The following NAV3 variants were observed in gnomAD, a reference collection of about 807,000 sequenced individuals.
NAV3 encodes neuron navigator 3.
Under a neutral mutation model 244.7 loss-of-function variants are expected in NAV3, and 87 were observed. That is an observed-to-expected ratio of 0.36 (90% CI 0.30 to 0.42). The LOEUF is 0.42. Among genes scored for constraint, NAV3 ranks in the 20% least tolerant of loss-of-function variants. The pLI is 1.00. For missense variants in NAV3, 2,663 were observed against 2,893.3 expected (o/e 0.92, Z 1.83); for synonymous variants, 1,126 against 1,042.2 (o/e 1.08, Z -1.55).
chr12:77,864,218 C>T (rs545367333), intron 1 of NAV3, among the ~76,000 whole-genome samples: 2 of 151,928 alleles, frequency 1.3e-5, no homozygotes. Flanking sequence ...TCAGTCTTTT[C>T]CTGCATTCTG....
At chr12:77,662,263 A>ATCTG (rs770544048) in intron 2 of NAV3, among the ~76,000 whole-genome samples, 2 of 151,034 alleles carry the variant, frequency 1.3e-5, no homozygotes, top group Admixed American at 6.6e-5. Flanking sequence ...CTATCTATCT[A>ATCTG]TATCTCACCT....
At position 78,212,924 on chromosome 12, in the gene NAV3, C is replaced by A. The variant is rs560543678; in HGVS notation, c.*2407C>A. 1.3e-5 allele frequency: 2 copies of A among 152,648 alleles called. No individual in the cohort carries two copies. Among genetic ancestry groups the A allele is most frequent in the African/African-American group, 4.8e-5 (2 of 41,556 alleles). The allele number at this position is 152,648 out of a possible 1,614,324, so 9.5% of individuals were successfully genotyped here. A position where few individuals can be genotyped will look rare whatever the true frequency, so the allele number is the denominator to read the frequency against. On this transcript the variant is annotated 3_prime_UTR_variant, in exon 40 of 40. Transcript: ENST00000397909. ...TTTATTGTTCCTCTAGCTTGTAAACCAGCTTGCATATATTTTTTTGCAAAT... is the reference window on the plus strand; with the variant it reads ...TTTATTGTTCCTCTAGCTTGTAAACAAGCTTGCATATATTTTTTTGCAAAT...
chr12:77,725,961 T>A (rs1225357915), intron 2 of NAV3, among the ~76,000 whole-genome samples: 2 of 152,004 alleles, frequency 1.3e-5, no homozygotes, highest in African/African-American at 2.4e-5. Context: ...TCACTCTGAA[T>A]CTGACCCTTC....
intron 13 of NAV3, 75 bp downstream of exon 13, chr12:78,116,979 G>A (rs1955414699): frequency 2.0e-6 from 3 of 1,510,268 alleles, no homozygotes; most frequent in South Asian, 2.5e-5. Flanking sequence ...TTAGATTAAG[G>A]TATAGCACAA....
At chr12:77,822,828 T>TA (rs1340540881) in intron 2 of NAV3, among the ~76,000 whole-genome samples, 2 of 152,140 alleles carry the variant, frequency 1.3e-5, no homozygotes, top group Non-Finnish European at 2.9e-5. Flanking sequence ...AGGATAATTT[T>TA]AAAAAATGAA....
intron 2 of NAV3, among the ~76,000 whole-genome samples, chr12:77,758,738 T>C (rs530502799): frequency 6.6e-6 from 1 of 152,212 alleles, no homozygotes; most frequent in Non-Finnish European, 1.5e-5. Context: ...CTTAGGCAAA[T>C]GAGCTAGAGA....
intron 37 of NAV3, among the ~76,000 whole-genome samples, chr12:78,200,205 A>G (rs1959502249): frequency 6.6e-6 from 1 of 152,034 alleles, no homozygotes; most frequent in Non-Finnish European, 1.5e-5. Context: ...TTGCTTGTAA[A>G]ATGAAACAGG....
intron 9 of NAV3, among the ~76,000 whole-genome samples, chr12:78,028,712 A>G (rs2136927169): frequency 6.6e-6 from 1 of 152,350 alleles, no homozygotes; most frequent in African/African-American, 2.4e-5. Flanking sequence ...TTGGTTTTGC[A>G]AACATTTTGC....
intron 2 of NAV3, among the ~76,000 whole-genome samples, chr12:77,711,113 A>G (rs1876091341): frequency 6.6e-6 from 1 of 152,236 alleles, no homozygotes; most frequent in Non-Finnish European, 1.5e-5. Context: ...CAATTGAATC[A>G]ACTCAGTACA....
intron 2 of NAV3, among the ~76,000 whole-genome samples, chr12:77,823,123 C>G (rs1872815448): frequency 6.6e-6 from 1 of 152,120 alleles, no homozygotes; most frequent in African/African-American, 2.4e-5. Context: ...GAGGCAATAT[C>G]CAGACCACAG....
chr12:77,765,978 C>G (rs141179045), intron 2 of NAV3, among the ~76,000 whole-genome samples: 1 of 151,952 alleles, frequency 6.6e-6, no homozygotes. Context: ...AATTTCAGAC[C>G]AAGATCTGTG....
chr12:77,691,751 C>T (rs945170355), intron 2 of NAV3, among the ~76,000 whole-genome samples: 2 of 151,700 alleles, frequency 1.3e-5, no homozygotes, highest in African/African-American at 4.8e-5. Flanking sequence ...TTGATTTCCT[C>T]ATATCATAAT....
intron 8 of NAV3, among the ~76,000 whole-genome samples, chr12:78,016,193 A>T (rs1397872041): frequency 2.0e-5 from 3 of 151,832 alleles, no homozygotes; most frequent in Non-Finnish European, 4.4e-5. Flanking sequence ...AGAAACCAAG[A>T]TCTCATTGCT....
chr12:77,751,217 T>A (rs1254288403), intron 2 of NAV3, among the ~76,000 whole-genome samples: 1 of 152,220 alleles, frequency 6.6e-6, no homozygotes, highest in East Asian at 1.9e-4. Context: ...TAATGGGTTA[T>A]ACTCTTATGA....
intron 3 of NAV3, chr12:77,947,396 T>C (rs1890455694): frequency 6.7e-6 from 1 of 148,402 alleles, no homozygotes; most frequent in South Asian, 2.1e-4. Flanking sequence ...TTGTAATCAC[T>C]CTTCTTTTAA....
At chr12:78,200,247 T>C (rs189902783) in intron 37 of NAV3, among the ~76,000 whole-genome samples, 18 of 152,248 alleles carry the variant, frequency 1.2e-4, no homozygotes, top group African/African-American at 4.3e-4. Flanking sequence ...TCATTTCTCC[T>C]GACTCTAGTA....
At chr12:78,089,311 G>A (rs1392816009) in intron 12 of NAV3, among the ~76,000 whole-genome samples, 1 of 152,046 alleles carries the variant, frequency 6.6e-6, no homozygotes, top group Non-Finnish European at 1.5e-5. Context: ...AAACCATAAA[G>A]TAATGTTAGA....
chr12:78,027,269 C>T (rs1878213448), intron 9 of NAV3, among the ~76,000 whole-genome samples: 1 of 149,830 alleles, frequency 6.7e-6, no homozygotes, highest in African/African-American at 2.5e-5. Context: ...GACCCTGTCT[C>T]TAAAAAAAAA....
In NAV3 at chr12:77,766,735, G is replaced by GTTTGTTTTTTTTTTTTTTTTTTTTT. The variant is rs1555202961; in HGVS notation, c.73-173581_73-173580insGTTTTTTTTTTTTTTTTTTTTTTTT. ...AGGATTCTAAAAAACAGGCAATTAA[G>GTTTGTTTTTTTTTTTTTTTTTTTTT]TTTTTTTTTTTTTTTTTTTTTTTTT... On this transcript the variant is annotated intron_variant, in intron 2 of 8. Transcript: ENST00000550042. 5.9e-4 allele frequency among the ~76,000 whole-genome samples: 36 copies of GTTTGTTTTTTTTTTTTTTTTTTTTT among 60,514 alleles called. 12 individuals are homozygous for GTTTGTTTTTTTTTTTTTTTTTTTTT. The highest frequency in any genetic ancestry group is 0.018 in the Middle Eastern group (2 of 110). The allele number at this position is 60,514 out of a possible 152,430, so 39.7% of individuals were successfully genotyped here. A position where few individuals can be genotyped will look rare whatever the true frequency, so the allele number is the denominator to read the frequency against.
Sources: allele counts gnomAD v4.1 joint callset (sites outside exome capture counted in the v4.1 genomes callset), GRCh38; gene constraint gnomAD v4.1.1; transcripts MANE v1.5; gene names NCBI Gene and HGNC (gene_info 2026-07-23, HGNC 2026-07-21).